The following SMARCB1 variants were observed in gnomAD, a reference collection of about 807,000 sequenced individuals.
SMARCB1 encodes SWI/SNF-related matrix-associated actin-dependent regulator of chromatin subfamily B member 1.
In SMARCB1, 5 loss-of-function variants were observed where a neutral mutation model predicts 49.0. That is an observed-to-expected ratio of 0.10 (90% CI 0.05 to 0.21). The LOEUF is 0.21. Ranked by LOEUF, SMARCB1 falls within the 10% of genes least tolerant of loss-of-function variation. The pLI is 1.00. For synonymous variants in SMARCB1, 201 were observed against 200.1 expected (o/e 1.00, Z -0.04); for missense variants, 226 against 509.2 (o/e 0.44, Z 5.35).
intron 4 of SMARCB1, chr22:23,802,609 A>G (rs936120244): frequency 6.2e-6 from 1 of 161,854 alleles, no homozygotes; most frequent in Non-Finnish European, 1.4e-5. Flanking sequence ...TCTGTCTTCC[A>G]TCTACCTCCC....
Position 23,834,365 on chromosome 22 carries a change from G to GCCCCCCCC in SMARCB1, c.*191_*192insCCCCCCCC. On this transcript the variant is annotated 3_prime_UTR_variant, in exon 9 of 9. Transcript: ENST00000644036. The stretch of plus-strand genomic sequence containing the variant: ...ATTCCATTTGTTGAGCCCCAGTCCT[G>GCCCCCCCC]CCCCCCACCCCACCCTCCCTACCCC... 1 of 700,770 alleles carries GCCCCCCCC rather than the reference G, an allele frequency of 1.4e-6. No individual in the cohort carries two copies. Among genetic ancestry groups the GCCCCCCCC allele is most frequent in the Non-Finnish European group, 2.6e-6 (1 of 389,110 alleles). The allele number at this position is 700,770 out of a possible 1,614,324, so 43.4% of individuals were successfully genotyped here. A position where few individuals can be genotyped will look rare whatever the true frequency, so the allele number is the denominator to read the frequency against.
intron 1 of SMARCB1, among the ~76,000 whole-genome samples, chr22:23,790,743 T>C (rs1017498693): frequency 2.0e-5 from 3 of 152,074 alleles, no homozygotes; most frequent in African/African-American, 2.4e-5. Context: ...CTCAGGAGGC[T>C]GAGGCAGGAG....
chr22:23,822,249 G>A (rs2030131883), intron 6 of SMARCB1, among the ~76,000 whole-genome samples: 1 of 152,246 alleles, frequency 6.6e-6, no homozygotes, highest in Admixed American at 6.5e-5. Context: ...TGGGGGGCAG[G>A]GGAGGAAGCT....
rs761450053 is a variant in SMARCB1, at chr22:23,791,719, G to A, written c.94-37G>A. On this transcript the variant is annotated intron_variant, in intron 1 of 8. Transcript: ENST00000644036. ...GGACCCTCCCCTTCCCTGTGGTGCT[G>A]CGACCCTTATAATGAGCCTTCTTGC... is the stretch of plus-strand genomic sequence containing the variant. The A allele has an allele frequency of 3.1e-6, 5 of 1,609,878 alleles. No individual in the cohort carries two copies. The African/African-American group carries it at 6.7e-5, about 22-fold the overall frequency.
intron 5 of SMARCB1, among the ~76,000 whole-genome samples, chr22:23,810,903 G>C (rs931976741): frequency 6.6e-6 from 1 of 152,030 alleles, no homozygotes; most frequent in Non-Finnish European, 1.5e-5. Flanking sequence ...GGTGGCGGGC[G>C]CCTGTAATCC....
chr22:23,830,732 GCTCACTGC>G (rs2030615124), intron 7 of SMARCB1, among the ~76,000 whole-genome samples: 1 of 137,048 alleles, frequency 7.3e-6, no homozygotes, highest in Non-Finnish European at 1.5e-5. Flanking sequence ...TGTGATCTTG[GCTCACTGC>G]ATCCTCCGCC....
chr22:23,807,252 C>G (rs1929550574), intron 5 of SMARCB1, among the ~76,000 whole-genome samples: 1 of 152,162 alleles, frequency 6.6e-6, no homozygotes, highest in Non-Finnish European at 1.5e-5. Context: ...CTACACTTGG[C>G]TACAGAAGGC....
chr22:23,816,972 G>T (rs2146010846), intron 6 of SMARCB1, 36 bp downstream of exon 6: 3 of 1,586,986 alleles, frequency 1.9e-6, no homozygotes, highest in Non-Finnish European at 2.6e-6. Context: ...GAGCCTTCCT[G>T]GCCCTCAGGG....
At chr22:23,817,252 G>C in intron 6 of SMARCB1, 1 of 474,208 alleles carries the variant, frequency 2.1e-6, no homozygotes, top group East Asian at 3.7e-5. Flanking sequence ...CTCCAGGGGG[G>C]CCTAGTAACC....
At chr22:23,797,301 T>G (rs1193645145) in intron 3 of SMARCB1, among the ~76,000 whole-genome samples, 4 of 137,716 alleles carry the variant, frequency 2.9e-5, no homozygotes, top group African/African-American at 9.5e-5. Context: ...CCTGGCCTGT[T>G]TTTTTTTATT....
intron 1 of SMARCB1, among the ~76,000 whole-genome samples, chr22:23,789,725 C>A (rs1928257191): frequency 1.3e-5 from 2 of 152,300 alleles, no homozygotes; most frequent in Admixed American, 1.3e-4. Context: ...TTCTTTTGGG[C>A]CTGACTTAAT....
chr22:23,816,513 G>A (rs1248484734), intron 5 of SMARCB1: 9 of 597,740 alleles, frequency 1.5e-5, no homozygotes, highest in Non-Finnish European at 2.4e-5. Flanking sequence ...GCTATGAGTG[G>A]AATGAGGGAA....
At chr22:23,801,188 T>C in intron 4 of SMARCB1, 107 bp downstream of exon 4, 1 of 1,499,504 alleles carries the variant, frequency 6.7e-7, no homozygotes, top group Non-Finnish European at 9.2e-7. Flanking sequence ...GACCTTGTGC[T>C]CCCCACAACG....
rs1438394310 is a variant in SMARCB1 at position 23,791,897 on chromosome 22, G to A, written c.232+3G>A. 1 of 1,613,958 alleles carries A rather than the reference G, an allele frequency of 6.2e-7. No individual in the cohort carries two copies. The highest frequency in any genetic ancestry group is 8.5e-7 in the Non-Finnish European group (1 of 1,179,928). On this transcript the variant is annotated splice_donor_region_variant and intron_variant, in intron 2 of 8. Coordinates refer to ENST00000644036, the MANE Select transcript of SMARCB1 (RefSeq NM_003073.5). The stretch of plus-strand genomic sequence containing the variant: ...AAAAACAAAACCTAACACTAAGGGT[G>A]CGTCTTCACGAGGGTTTGTAAACCT...
chr22:23,802,774 C>T, intron 4 of SMARCB1: 1 of 267,358 alleles, frequency 3.7e-6, no homozygotes, highest in Non-Finnish European at 7.3e-6. Context: ...CTGGGACTCC[C>T]TCAGGGCAGT....
chr22:23,837,791 C>CGT lies in SMARCB1; in HGVS notation c.*3612_*3613dup. The CGT allele has an allele frequency of 1.2e-6, 2 of 1,613,852 alleles. No homozygotes were observed. Among genetic ancestry groups the CGT allele is most frequent in the East Asian group, 2.2e-5 (1 of 44,882 alleles). ...ACCCGAGGGCTGCGGCGGCTCCACA[C>CGT]GTACACCAGCATGGCCATGAGGGCC... is the stretch of plus-strand genomic sequence containing the variant. On this transcript the variant is annotated 3_prime_UTR_variant, in exon 9 of 9. Coordinates refer to ENST00000644036, the MANE Select transcript of SMARCB1 (RefSeq NM_003073.5).
At chr22:23,791,648 G>C (rs1393619466) in intron 1 of SMARCB1, 108 bp from the exon 2 acceptor site, 1 of 1,075,484 alleles carries the variant, frequency 9.3e-7, no homozygotes, top group Admixed American at 1.7e-5. Context: ...GCGCCTGGGG[G>C]CCACCTCAAG....
At position 23,797,294 on chromosome 22, in the gene SMARCB1, G is replaced by T. The variant is rs563199475; in HGVS notation, c.362+3606G>T. On this transcript the variant is annotated intron_variant, in intron 3 of 8. Transcript: ENST00000644036. Reference sequence around the variant, plus strand: ...ATTACAGGCGTGAGCCACCGGGCCTGGCCTGTTTTTTTTTATTATTATTAT... The same window carrying T: ...ATTACAGGCGTGAGCCACCGGGCCTTGCCTGTTTTTTTTTATTATTATTAT... Among the ~76,000 whole-genome samples, 929 of 145,622 alleles carry T rather than the reference G, an allele frequency of 6.4e-3. 7 individuals are homozygous for T. The highest frequency in any genetic ancestry group is 0.022 in the African/African-American group (836 of 37,556).
At chr22:23,821,559 T>C (rs1601428636) in intron 6 of SMARCB1, among the ~76,000 whole-genome samples, 1 of 152,086 alleles carries the variant, frequency 6.6e-6, no homozygotes, top group East Asian at 1.9e-4. Flanking sequence ...CTGTAGGAAA[T>C]GGAGTCTCGG....
Sources: gnomAD v4.1 joint callset for allele counts (sites outside exome capture counted in the v4.1 genomes callset) on GRCh38, gnomAD v4.1.1 for gene constraint, MANE v1.5 for transcripts, NCBI Gene and HGNC (gene_info 2026-07-23, HGNC 2026-07-21) for gene names.